NUP210L: variants seen among roughly 807,000 people sequenced by gnomAD.
NUP210L encodes nuclear pore membrane glycoprotein 210-like.
NUP210L carries 74 observed loss-of-function variants against 208.5 expected under a neutral mutation model. The ratio of observed to expected loss-of-function variants is 0.35; its 90% confidence interval spans 0.29 to 0.43. The LOEUF is 0.43. NUP210L is among the 20% of genes least tolerant of loss of function. NUP210L has a pLI of 1.00. For synonymous variants in NUP210L, 780 were observed against 816.9 expected, an observed-to-expected ratio of 0.95 and a Z score of 0.77; for missense variants, 1,843 against 2,289.4, an observed-to-expected ratio of 0.81 and a Z score of 3.98.
rs1652048055 is a variant in NUP210L, at chr1:154,028,767, C to T, written c.3855+1129G>A. Among the ~76,000 whole-genome samples the T allele has an allele frequency of 3.9e-5, 6 of 151,908 alleles. No homozygotes were observed. In the South Asian group the frequency reaches 1.2e-3, roughly 32 times the overall value. On this transcript the variant is annotated intron_variant, in intron 28 of 39. Transcript: ENST00000368559. ...CTTTTCTTTTTTTTTCCAGACTACT[C>T]ACCTGCAAGTACTAATAGTTTCTAA...
intron 25 of NUP210L, among the ~76,000 whole-genome samples, chr1:154,048,341 G>T (rs1653301554): frequency 6.6e-6 from 1 of 152,174 alleles, no homozygotes; most frequent in South Asian, 2.1e-4. Flanking sequence ...GGGTGATATA[G>T]AGGCTTGGCA....
intron 29 of NUP210L, among the ~76,000 whole-genome samples, chr1:154,026,106 G>A (rs1651863000): frequency 6.6e-6 from 1 of 151,458 alleles, no homozygotes; most frequent in South Asian, 2.1e-4. Context: ...ATGATGGCGG[G>A]TGCCTGTAAT....
intron 27 of NUP210L, among the ~76,000 whole-genome samples, chr1:154,038,292 C>T (rs1281540591): frequency 6.6e-6 from 1 of 151,768 alleles, no homozygotes; most frequent in African/African-American, 2.4e-5. Context: ...ACCACCATGC[C>T]CAGTCAATTT....
In NUP210L at chr1:154,056,856, T is replaced by C. The variant is rs374077144; in HGVS notation, c.3199A>G (p.Lys1067Glu). Residue 1067 changes from lysine (K) to glutamate (E), a missense_variant, in exon 23 of 40, where the codon AAG becomes GAG. Lys to Glu is a moderately conservative substitution (Grantham distance 56, BLOSUM62 1). Coordinates refer to ENST00000368559, the Ensembl canonical transcript of NUP210L. Reference sequence around the variant, plus strand: ...GTTGATGTGTATTTTCTTCCCATCTTGTCCTTGGCAATAGCCACAAGTGTG... The same window carrying C: ...GTTGATGTGTATTTTCTTCCCATCTCGTCCTTGGCAATAGCCACAAGTGTG... 3.8e-6 allele frequency: 6 copies of C among 1,598,986 alleles called. No individual in the cohort carries two copies. In the South Asian group the frequency reaches 5.7e-5, roughly 15 times the overall value.
chr1:154,060,489 G>T, intron 20 of NUP210L, 51 bp downstream of exon 20: 1 of 1,145,120 alleles, frequency 8.7e-7, no homozygotes, highest in Non-Finnish European at 1.3e-6. Context: ...AATCTCCTCA[G>T]AATGAGCTTT....
At chr1:154,047,666 A>G (rs1053775913) in intron 25 of NUP210L, among the ~76,000 whole-genome samples, 5 of 152,218 alleles carry the variant, frequency 3.3e-5, no homozygotes, top group Non-Finnish European at 5.9e-5. Context: ...TCTATAATCT[A>G]TAGAACCAAT....
chr1:154,025,508 T>G (rs769076237), intron 30 of NUP210L, 34 bp downstream of exon 30: 1 of 1,416,744 alleles, frequency 7.1e-7, no homozygotes, highest in South Asian at 1.7e-5. Flanking sequence ...TGACTTTTAT[T>G]TATTTGTTTT....
intron 15 of NUP210L, among the ~76,000 whole-genome samples, chr1:154,090,394 T>C (rs539664379): frequency 1.6e-4 from 24 of 152,226 alleles, no homozygotes; most frequent in African/African-American, 5.5e-4. Flanking sequence ...CAAATGAGGG[T>C]TAATCAGACC....
In NUP210L at chr1:154,122,565, G is replaced by C. The variant is rs1424910010; in HGVS notation, c.1327-3757C>G. On this transcript the variant is annotated intron_variant, in intron 10 of 39. Coordinates refer to ENST00000368559, the Ensembl canonical transcript of NUP210L. ...CAGCTACTCAGAGGCTGAGGCAGGA[G>C]AATGGTGTGAACTCGGGAGGTGGAG... is the stretch of plus-strand genomic sequence containing the variant. Among the ~76,000 whole-genome samples the C allele has an allele frequency of 2.0e-5, 3 of 152,288 alleles. No individual in the cohort carries two copies. In the East Asian group the frequency reaches 5.8e-4, roughly 29 times the overall value.
At chr1:154,021,722 G>A (rs1344353069) in intron 32 of NUP210L, among the ~76,000 whole-genome samples, 1 of 152,058 alleles carries the variant, frequency 6.6e-6, no homozygotes, top group African/African-American at 2.4e-5. Context: ...AGAAGACACA[G>A]TACCCTGCAC....
At chr1:153,996,593 C>A (rs1439228419) in intron 37 of NUP210L, among the ~76,000 whole-genome samples, 1 of 151,962 alleles carries the variant, frequency 6.6e-6, no homozygotes, top group East Asian at 2.0e-4. Flanking sequence ...GGCTAATTTT[C>A]GTATTTTTAG....
chr1:154,000,958 A>G, exon 37 of NUP210L: 1 of 1,614,208 alleles, frequency 6.2e-7, no homozygotes, highest in South Asian at 1.1e-5. Context: ...ATTTGCTGGA[A>G]GGAAGTGAAG....
At chr1:154,052,435 G>A (rs1376681013) in intron 25 of NUP210L, among the ~76,000 whole-genome samples, 1 of 152,056 alleles carries the variant, frequency 6.6e-6, no homozygotes, top group Non-Finnish European at 1.5e-5. Flanking sequence ...ACCTACCCGG[G>A]GACAGATCAA....
chr1:154,069,406 T>C (rs1235200009), intron 17 of NUP210L, among the ~76,000 whole-genome samples: 3 of 152,136 alleles, frequency 2.0e-5, no homozygotes, highest in African/African-American at 7.2e-5. Flanking sequence ...CAGACACTTT[T>C]CAAAAGAAGA....
At chr1:153,994,307 T>C (rs990723592) in intron 38 of NUP210L, among the ~76,000 whole-genome samples, 10 of 152,074 alleles carry the variant, frequency 6.6e-5, no homozygotes, top group Admixed American at 2.6e-4. Context: ...TGCTTCTTGG[T>C]AGTAAGTTGA....
At chr1:154,061,593 C>T in exon 18 of NUP210L, 2 of 1,572,396 alleles carry the variant, frequency 1.3e-6, no homozygotes, top group Non-Finnish European at 1.7e-6. Context: ...CACTTTTGGG[C>T]TTTTCTTCTC....
intron 6 of NUP210L, among the ~76,000 whole-genome samples, chr1:154,137,225 C>T (rs1043381287): frequency 2.0e-5 from 3 of 151,940 alleles, no homozygotes; most frequent in Admixed American, 6.6e-5. Context: ...GAGTTCAAGA[C>T]CAGCCTGGGT....
At chr1:154,072,138 T>C (rs1456339043) in intron 16 of NUP210L, among the ~76,000 whole-genome samples, 1 of 152,054 alleles carries the variant, frequency 6.6e-6, no homozygotes, top group East Asian at 1.9e-4. Context: ...TCTGGGTAGC[T>C]ACCCAGCACT....
intron 16 of NUP210L, chr1:154,079,011 A>T (rs560567862): frequency 1.3e-5 from 2 of 152,148 alleles, no homozygotes; most frequent in Non-Finnish European, 1.5e-5. Flanking sequence ...TTGGCTGAGC[A>T]TGGTGGCTCA....
Sources: gnomAD v4.1 joint callset for allele counts (sites outside exome capture counted in the v4.1 genomes callset) on GRCh38, gnomAD v4.1.1 for gene constraint, MANE v1.5 for transcripts, NCBI Gene and HGNC (gene_info 2026-07-23, HGNC 2026-07-21) for gene names.